RSU1: variants seen among roughly 807,000 people sequenced by gnomAD.
RSU1 encodes the protein Ras suppressor protein 1.
A neutral mutation model predicts 31.1 loss-of-function variants in RSU1; 26 were observed. That is an observed-to-expected ratio of 0.84 (90% confidence interval 0.61 to 1.16). The LOEUF (loss-of-function observed/expected upper bound fraction) is 1.16. RSU1 is among the 50% of genes most tolerant of loss of function. RSU1 has a pLI of 0.00. For synonymous variants in RSU1, 164 were observed against 136.3 expected (o/e 1.20, Z -1.41); for missense variants, 320 against 339.1 (o/e 0.94, Z 0.44).
At chr10:16,740,340 G>A (rs1394755212) in intron 7 of RSU1, among the ~76,000 whole-genome samples, 1 of 152,010 alleles carries the variant, frequency 6.6e-6, no homozygotes, top group Non-Finnish European at 1.5e-5. Context: ...AAAAATAGAA[G>A]GGCATTTGTA....
intron 2 of RSU1, among the ~76,000 whole-genome samples, chr10:16,803,221 A>G (rs1319680209): frequency 6.6e-6 from 1 of 152,174 alleles, no homozygotes. Context: ...TTTCTATATA[A>G]AAAAATAGAA....
intron 8 of RSU1, among the ~76,000 whole-genome samples, chr10:16,691,133 G>A (rs1447654821): frequency 2.0e-5 from 3 of 152,022 alleles, no homozygotes; most frequent in Admixed American, 2.0e-4. Flanking sequence ...TCCCCTGAAG[G>A]CTGCCACATG....
chr10:16,713,567 C>A lies in RSU1; in HGVS notation c.599-18412G>T, dbSNP rs576049366. Reference sequence around the variant, plus strand: ...TTCTTTATGACACTTATCTTTGTTGCATTTCTCATTCGGATGATGAATTGT... The same window carrying A: ...TTCTTTATGACACTTATCTTTGTTGAATTTCTCATTCGGATGATGAATTGT... On this transcript the variant is annotated intron_variant, in intron 7 of 8. Coordinates refer to ENST00000345264, the MANE Select transcript of RSU1 (RefSeq NM_012425.4). Among the ~76,000 whole-genome samples, 379 of 152,264 alleles carry A rather than the reference C, an allele frequency of 2.5e-3. 3 individuals carry two copies. Among genetic ancestry groups the A allele is most frequent in the African/African-American group, 8.4e-3 (347 of 41,544 alleles).
chr10:16,811,484 G>C (rs1005560376), intron 2 of RSU1, among the ~76,000 whole-genome samples: 1 of 152,132 alleles, frequency 6.6e-6, no homozygotes, highest in Non-Finnish European at 1.5e-5. Context: ...CTGAGGCACA[G>C]AGAGGTCAAG....
intron 3 of RSU1, among the ~76,000 whole-genome samples, chr10:16,777,679 CAAA>C (rs962099189): frequency 6.6e-6 from 1 of 152,012 alleles, no homozygotes; most frequent in Non-Finnish European, 1.5e-5. Context: ...TTTTTAAAAA[CAAA>C]AAACAAGTAG....
intron 8 of RSU1, among the ~76,000 whole-genome samples, chr10:16,630,337 G>A (rs1244259857): frequency 2.0e-5 from 3 of 152,108 alleles, no homozygotes; most frequent in East Asian, 1.9e-4. Flanking sequence ...AGTTTCCATC[G>A]TGTTCTTTAC....
chr10:16,592,609 C>G lies in RSU1; in HGVS notation c.*785G>C, dbSNP rs1833527933. On this transcript the variant is annotated 3_prime_UTR_variant, in exon 9 of 9. Coordinates refer to ENST00000345264, the MANE Select transcript of RSU1 (RefSeq NM_012425.4). ...CTTTCACAGTTCTTGTCTACCAGCCCCTGGCAGAAATCACCATTTCTTCGG... is the reference window on the plus strand; with the variant it reads ...CTTTCACAGTTCTTGTCTACCAGCCGCTGGCAGAAATCACCATTTCTTCGG... The G allele has an allele frequency of 6.6e-6, 1 of 152,034 alleles. No individual in the cohort carries two copies. The highest frequency in any genetic ancestry group is 2.4e-5 in the African/African-American group (1 of 41,398). The allele number at this position is 152,034 out of a possible 1,614,324, so 9.4% of individuals were successfully genotyped here.
chr10:16,697,987 CTT>C (rs67816326), intron 7 of RSU1, among the ~76,000 whole-genome samples: 28 of 99,558 alleles, frequency 2.8e-4, no homozygotes, highest in East Asian at 6.7e-4. Context: ...AGGAACACAC[CTT>C]TTTTTTTTTT....
intron 4 of RSU1, among the ~76,000 whole-genome samples, chr10:16,756,898 G>C (rs1336111629): frequency 6.7e-6 from 1 of 148,364 alleles, no homozygotes; most frequent in African/African-American, 2.5e-5. Flanking sequence ...TGTGTGAGGG[G>C]TGGGGTGTGG....
At chr10:16,716,271 G>A (rs1480729157) in intron 7 of RSU1, among the ~76,000 whole-genome samples, 1 of 152,220 alleles carries the variant, frequency 6.6e-6, no homozygotes, top group African/African-American at 2.4e-5. Context: ...ATGTTCAACT[G>A]AGTGTAGCAG....
rs775061051 is a variant in RSU1 at position 16,752,635 on chromosome 10, C to A, written c.502G>T (p.Asp168Tyr). ...ATTTCCTTAGGCAGCGAGATCAGGTCGTTATCCCTAAGGCTGAGCTAAACA... is the reference window on the plus strand; with the variant it reads ...ATTTCCTTAGGCAGCGAGATCAGGTAGTTATCCCTAAGGCTGAGCTAAACA... ...KLQILSLRDN[D>Y]LISLPKEIGE... Residue 168 changes from aspartate to tyrosine, a missense_variant, in exon 7 of 9, where the codon GAC becomes TAC. Physicochemically the swap from Asp to Tyr is radical, Grantham distance 160 (BLOSUM62 -3). Coordinates refer to ENST00000345264, the MANE Select transcript of RSU1 (RefSeq NM_012425.4). 1.2e-6 allele frequency: 2 copies of A among 1,613,798 alleles called. No individual in the cohort carries two copies. Among genetic ancestry groups the A allele is most frequent in the South Asian group, 1.1e-5 (1 of 91,032 alleles).
At chr10:16,736,050 G>T (rs1056040844) in intron 7 of RSU1, among the ~76,000 whole-genome samples, 2 of 152,296 alleles carry the variant, frequency 1.3e-5, no homozygotes, top group South Asian at 4.1e-4. Flanking sequence ...ATGCTGAATT[G>T]AAAGGACAGA....
chr10:16,720,806 C>A (rs151186643), intron 7 of RSU1, among the ~76,000 whole-genome samples: 3 of 151,988 alleles, frequency 2.0e-5, no homozygotes, highest in African/African-American at 4.8e-5. Context: ...GGCACCATGG[C>A]GAAACCCCAC....
intron 8 of RSU1, among the ~76,000 whole-genome samples, chr10:16,605,995 C>T (rs1350945855): frequency 1.3e-5 from 2 of 152,156 alleles, no homozygotes; most frequent in African/African-American, 4.8e-5. Context: ...TCAAGTGATC[C>T]TCCTGCCTCA....
intron 4 of RSU1, among the ~76,000 whole-genome samples, chr10:16,755,209 C>T (rs1001314673): frequency 5.3e-5 from 8 of 152,182 alleles, no homozygotes; most frequent in Admixed American, 1.3e-4. Flanking sequence ...GCAGCCTCAA[C>T]CTCCCCAGGC....
At chr10:16,685,436 A>C (rs1040952181) in intron 8 of RSU1, among the ~76,000 whole-genome samples, 1 of 152,246 alleles carries the variant, frequency 6.6e-6, no homozygotes, top group Non-Finnish European at 1.5e-5. Context: ...CTCCACAGAC[A>C]GAACAGCCCC....
Position 16,645,969 on chromosome 10 carries a change from T to TATAC in RSU1, c.731+49053_731+49054insGTAT, listed in dbSNP as rs1171819592. Among the ~76,000 whole-genome samples, 12 of 52,492 alleles carry TATAC rather than the reference T, an allele frequency of 2.3e-4. 2 individuals carry two copies. Among genetic ancestry groups the TATAC allele is most frequent in the African/African-American group, 1.3e-3 (12 of 8,936 alleles). The allele number at this position is 52,492 out of a possible 152,430, so 34.4% of individuals were successfully genotyped here. A position where few individuals can be genotyped will look rare whatever the true frequency, so the allele number is the denominator to read the frequency against. On this transcript the variant is annotated intron_variant, in intron 8 of 8. Transcript: ENST00000345264. ...ATATGTGTATATACATATATGTGTA[T>TATAC]ATATATGTGTATATACATATATGTG...
In RSU1 at chr10:16,785,439, T is replaced by TAC. The variant is rs1554774668; in HGVS notation, c.110-3357_110-3356dup. Among the ~76,000 whole-genome samples the TAC allele has an allele frequency of 7.6e-4, 97 of 128,316 alleles. 2 individuals are homozygous for TAC. The highest frequency in any genetic ancestry group is 3.1e-3 in the African/African-American group (90 of 29,046). The allele number at this position is 128,316 out of a possible 152,430, so 84.2% of individuals were successfully genotyped here. A position where few individuals can be genotyped will look rare whatever the true frequency, so the allele number is the denominator to read the frequency against. On this transcript the variant is annotated intron_variant, in intron 2 of 8. Coordinates refer to ENST00000345264, the MANE Select transcript of RSU1 (RefSeq NM_012425.4). ...ATATACATATATACATATATATATA[T>TAC]ACACATATATACATATATACATATA...
At chr10:16,730,610 A>G (rs986927215) in intron 7 of RSU1, among the ~76,000 whole-genome samples, 1 of 152,168 alleles carries the variant, frequency 6.6e-6, no homozygotes, top group Non-Finnish European at 1.5e-5. Context: ...GTTTTAATCC[A>G]CTAGATTTGG....
Sources: allele counts gnomAD v4.1 joint callset (sites outside exome capture counted in the v4.1 genomes callset), GRCh38; gene constraint gnomAD v4.1.1; transcripts MANE v1.5; gene names NCBI Gene and HGNC (gene_info 2026-07-23, HGNC 2026-07-21).